Variants in ENOSF1 observed in about 807,000 individuals in gnomAD.
ENOSF1 encodes enolase superfamily member 1.
In ENOSF1, 73 loss-of-function variants were observed where a neutral mutation model predicts 68.2. The ratio of observed to expected loss-of-function variants is 1.07; its 90% CI spans 0.89 to 1.30. The LOEUF is 1.30. Among genes scored for constraint, ENOSF1 ranks in the 50% most tolerant of loss-of-function variants. The pLI is 0.00. For missense variants in ENOSF1, 589 were observed against 554.5 expected, an observed-to-expected ratio of 1.06 and a Z score of -0.62; for synonymous variants, 223 against 210.4, an observed-to-expected ratio of 1.06 and a Z score of -0.52.
In ENOSF1 at chr18:693,926, A is replaced by G; in HGVS notation, c.397-18T>C. 2 of 1,613,878 alleles carry G rather than the reference A, an allele frequency of 1.2e-6. No homozygotes were observed. The highest frequency in any genetic ancestry group is 2.7e-5 in the African/African-American group (2 of 75,038). ...CAGACAGGCTTGAAGTAAAAAAGAA[A>G]GGATTTGTAAGACATATGTGTAAAG... On this transcript the variant is annotated intron_variant, in intron 4 of 15. Transcript: ENST00000647584.
At chr18:691,718 C>CTG in intron 5 of ENOSF1, 1 of 163,468 alleles carries the variant, frequency 6.1e-6, no homozygotes, top group Non-Finnish European at 1.3e-5. Context: ...AATTGTTTGA[C>CTG]TCTGTCATTC....
At chr18:667,161 AGATGGTGATGGTGATGGT>A (rs1318850948), downstream of ENOSF1, among the ~76,000 whole-genome samples, 28 of 38,512 alleles carry the variant, frequency 7.3e-4, 2 homozygotes, top group Non-Finnish European at 1.0e-3. Flanking sequence ...ATGGTGATGG[AGATGGTGATGGTGATGGT>A]GATGGTGATG....
At chr18:681,309 G>A (rs1014225764) in intron 11 of ENOSF1, among the ~76,000 whole-genome samples, 8 of 152,180 alleles carry the variant, frequency 5.3e-5, no homozygotes, top group African/African-American at 1.9e-4. Flanking sequence ...CACTGCCCCC[G>A]CCTGGACCTG....
chr18:674,916 T>C (rs2075327151), intron 15 of ENOSF1, among the ~76,000 whole-genome samples: 1 of 152,238 alleles, frequency 6.6e-6, no homozygotes, highest in Admixed American at 6.5e-5. Context: ...AGTTAACTCA[T>C]CAAACTCTTT....
intron 2 of ENOSF1, among the ~76,000 whole-genome samples, chr18:704,901 T>C (rs2847170): frequency 0.61 from 92,093 of 151,846 alleles, 28,269 homozygotes; most frequent in African/African-American, 0.72. Context: ...TCACCACGCC[T>C]GGCCTATCTT....
At chr18:698,435 TAAATA>T (rs1481792570) in intron 2 of ENOSF1, among the ~76,000 whole-genome samples, 2 of 152,292 alleles carry the variant, frequency 1.3e-5, no homozygotes, top group South Asian at 2.1e-4. Context: ...TATTAAACAT[TAAATA>T]AAATGAATTT....
chr18:708,565 T>C (rs2145508978), intron 1 of ENOSF1, among the ~76,000 whole-genome samples: 1 of 151,920 alleles, frequency 6.6e-6, no homozygotes, highest in Non-Finnish European at 1.5e-5. Context: ...AGGCAGAAAA[T>C]GCTAAGGCCT....
chr18:697,131 TAAAC>T (rs1479468380), intron 3 of ENOSF1, 105 bp downstream of exon 3: 23 of 828,750 alleles, frequency 2.8e-5, no homozygotes, highest in Non-Finnish European at 4.7e-5. Flanking sequence ...AATAAATAAA[TAAAC>T]AAATAAATAA....
At chr18:675,555 C>A in intron 14 of ENOSF1, 153 bp from the exon 15 acceptor site, 3 of 647,794 alleles carry the variant, frequency 4.6e-6, no homozygotes, top group Non-Finnish European at 8.3e-6. Flanking sequence ...AGTCCCTAAA[C>A]CTCTGTGCCT....
intron 1 of ENOSF1, among the ~76,000 whole-genome samples, chr18:709,853 G>A (rs193027569): frequency 5.9e-5 from 9 of 152,242 alleles, no homozygotes; most frequent in Admixed American, 5.9e-4. Flanking sequence ...TGATCAGGGA[G>A]GCTCACTTTG....
chr18:670,478 TG>T lies in ENOSF1; in HGVS notation c.*3826del. The T allele has an allele frequency of 3.6e-6, 2 of 555,538 alleles. No individual in the cohort carries two copies. The highest frequency in any genetic ancestry group is 6.4e-6 in the Non-Finnish European group (2 of 313,074). 34.4% of individuals were successfully genotyped at this position (555,538 alleles called of 1,614,324 possible). On this transcript the variant is annotated 3_prime_UTR_variant, in exon 16 of 16. Coordinates refer to ENST00000647584, the MANE Select transcript of ENOSF1 (RefSeq NM_017512.7). ...GGAAGAGCATTGCTTCAGCCGTAAA[TG>T]GACACCTGCAGAAACCTTGCACCGA...
rs201896416 is a variant in ENOSF1 at position 694,317 on chromosome 18, G to A, written c.327C>T (p.Gly109=). 18 of 1,614,104 alleles carry A rather than the reference G, an allele frequency of 1.1e-5. No individual in the cohort carries two copies. Among genetic ancestry groups the A allele is most frequent in the South Asian group, 6.6e-5 (6 of 91,082 alleles). The change falls in exon 4 of 16, where the codon GGC becomes GGT. Residue 109 remains glycine (G), a synonymous_variant. Transcript: ENST00000647584. The stretch of plus-strand genomic sequence containing the variant: ...CGGCCGCTGTCGCCAGGTGCACCAC[G>A]CCCTTTTCTGGACCAATCTGGTTAG... ...GQLRWIGPEK[G]VVHLATAAVL...
intron 11 of ENOSF1, 81 bp from the exon 12 acceptor site, chr18:678,818 A>G: frequency 6.7e-7 from 1 of 1,498,364 alleles, no homozygotes; most frequent in South Asian, 1.1e-5. Flanking sequence ...TTTATAGCTG[A>G]AGGAGGAAAC....
At chr18:678,159 T>C (rs113698024) in intron 12 of ENOSF1, 28 of 329,178 alleles carry the variant, frequency 8.5e-5, no homozygotes, top group African/African-American at 5.8e-4. Flanking sequence ...CAGCGACTGA[T>C]AAGTGGGAGA....
In ENOSF1 at chr18:671,485, A is replaced by G. The variant is rs1465839957; in HGVS notation, c.*2820T>C. On this transcript the variant is annotated 3_prime_UTR_variant, in exon 16 of 16. Transcript: ENST00000647584. Reference sequence around the variant, plus strand: ...TAGATGTTATACTTTTGGGTTTGGTACCTTCTCTTGATAAAAGGTTGACTG... The same window carrying G: ...TAGATGTTATACTTTTGGGTTTGGTGCCTTCTCTTGATAAAAGGTTGACTG... The G allele has an allele frequency of 3.6e-6, 5 of 1,386,716 alleles. No homozygotes were observed. The highest frequency in any genetic ancestry group is 5.1e-6 in the Non-Finnish European group (5 of 973,778). The allele number at this position is 1,386,716 out of a possible 1,614,324, so 85.9% of individuals were successfully genotyped here.
At chr18:679,208 C>T (rs1365670693) in intron 11 of ENOSF1, among the ~76,000 whole-genome samples, 5 of 123,804 alleles carry the variant, frequency 4.0e-5, no homozygotes, top group South Asian at 5.3e-4. Context: ...CCTCTCATAT[C>T]TTTTTTTTTT....
In ENOSF1 at chr18:674,241, AC is replaced by A; in HGVS notation, c.*63del. 2 of 1,160,954 alleles carry A rather than the reference AC, an allele frequency of 1.7e-6. No individual in the cohort carries two copies. The highest frequency in any genetic ancestry group is 2.5e-6 in the Non-Finnish European group (2 of 799,476). 71.9% of individuals were successfully genotyped at this position (1,160,954 alleles called of 1,614,324 possible). On this transcript the variant is annotated 3_prime_UTR_variant, in exon 16 of 16. Transcript: ENST00000647584. Reference sequence around the variant, plus strand: ...GATTTTTTAAATCCATTTTTGTAAAACTATTTCCAAGAAATTTTAAGCCCTT... The same window carrying A: ...GATTTTTTAAATCCATTTTTGTAAAATATTTCCAAGAAATTTTAAGCCCTT...
chr18:702,675 G>A (rs1243315782), intron 2 of ENOSF1, among the ~76,000 whole-genome samples: 2 of 152,114 alleles, frequency 1.3e-5, no homozygotes, highest in African/African-American at 4.8e-5. Context: ...GGAAGGTCAA[G>A]GCTGTATGAG....
At chr18:712,043 C>T (rs1568160866) in intron 1 of ENOSF1, among the ~76,000 whole-genome samples, 2 of 152,232 alleles carry the variant, frequency 1.3e-5, no homozygotes, top group African/African-American at 2.4e-5. Flanking sequence ...GAGCGCTGTG[C>T]TCTAGGGTTT....
Sources: allele counts gnomAD v4.1 joint callset (sites outside exome capture counted in the v4.1 genomes callset), GRCh38; gene constraint gnomAD v4.1.1; transcripts MANE v1.5; gene names NCBI Gene and HGNC (gene_info 2026-07-23, HGNC 2026-07-21).